ADGRL1: variants seen among roughly 807,000 people sequenced by gnomAD.
The protein encoded by ADGRL1 is CIRL-1.
In ADGRL1, 31 loss-of-function variants were observed where a neutral mutation model predicts 148.9. The ratio of observed to expected loss-of-function variants is 0.21; its 90% CI spans 0.16 to 0.28. The LOEUF (loss-of-function observed/expected upper bound fraction) is 0.28. ADGRL1 is among the 10% of genes least tolerant of loss of function. The pLI is 1.00. For missense variants in ADGRL1, 1,521 were observed against 2,058.8 expected, an observed-to-expected ratio of 0.74 and a Z score of 5.05; for synonymous variants, 937 against 900.3, an observed-to-expected ratio of 1.04 and a Z score of -0.73.
At chr19:14,156,775 C>A in intron 15 of ADGRL1, 51 bp from the exon 16 acceptor site, 1 of 1,568,252 alleles carries the variant, frequency 6.4e-7, no homozygotes, top group Non-Finnish European at 8.7e-7. Context: ...GAGCCATTCC[C>A]AGCGACTCAT....
rs889634389 is a variant in ADGRL1 at position 14,155,267 on chromosome 19, CCT to C, written c.3294+90_3294+91del. 1.4e-5 allele frequency: 21 copies of C among 1,457,968 alleles called. No individual in the cohort carries two copies. The highest frequency in any genetic ancestry group is 3.8e-5 in the South Asian group (3 of 78,534). The allele number at this position is 1,457,968 out of a possible 1,614,324, so 90.3% of individuals were successfully genotyped here. The stretch of plus-strand genomic sequence containing the variant: ...CACTCACTGGGGGCTTGAGGGAGCC[CCT>C]GAGTCCCCTCCACCCTCGCCGCCTT... On this transcript the variant is annotated intron_variant, in intron 18 of 22. Transcript: ENST00000361434. The surrounding 1 kb of genome is among the most constrained non-coding windows in gnomAD (Gnocchi z 5.0).
At chr19:14,193,112 C>T (rs1972045090) in intron 1 of ADGRL1, among the ~76,000 whole-genome samples, 2 of 151,948 alleles carry the variant, frequency 1.3e-5, no homozygotes, top group African/African-American at 4.8e-5. Flanking sequence ...AGGAGCACGA[C>T]GCCCTCTCCC....
In ADGRL1 at chr19:14,157,024, G is replaced by T; in HGVS notation, c.2867C>A (p.Ser956Tyr). 6.2e-7 allele frequency: 1 copy of T among 1,613,980 alleles called. No homozygotes were observed. Among genetic ancestry groups the T allele is most frequent in the Non-Finnish European group, 8.5e-7 (1 of 1,179,952 alleles). ...ACCCAGGTAGTAGTACTTGGTGCGG[G>T]AATACTCGCTCTCAAACACCTCCAC... ...LLVEVFESEYSRTKYYYLGGY... is the reference protein window; with the variant it reads ...LLVEVFESEYYRTKYYYLGGY... The change falls in exon 15 of 23, where the codon TCC (serine) becomes TAC (tyrosine). Residue 956 changes from serine (S) to tyrosine (Y), a missense_variant. Physicochemically the swap from Ser to Tyr is moderately radical, Grantham distance 144 (BLOSUM62 -2). This residue lies in a region of ADGRL1 where 185 missense variants were observed against 251.7 expected (regional missense o/e 0.74). Transcript: ENST00000361434. This position sits in a 1 kb window ranked among gnomAD's most constrained non-coding sequence, Gnocchi z 7.5.
At chr19:14,194,369 C>T (rs1972127239) in intron 1 of ADGRL1, among the ~76,000 whole-genome samples, 1 of 151,902 alleles carries the variant, frequency 6.6e-6, no homozygotes, top group Non-Finnish European at 1.5e-5. Context: ...AGCCACAGAA[C>T]TTTAAAGAAA....
At position 14,155,729 on chromosome 19, in the gene ADGRL1, G is replaced by A. The variant is rs1359561976; in HGVS notation, c.3126-202C>T. On this transcript the variant is annotated intron_variant, in intron 17 of 22. Coordinates refer to ENST00000361434, the MANE Select transcript of ADGRL1 (RefSeq NM_014921.5). The surrounding 1 kb of genome is among the most constrained non-coding windows in gnomAD (Gnocchi z 5.0). ...GCCTGGGCCTGAGGGAAAGGTACTGGGTCAGGGGTCGGGGTATTGTGAACA... is the reference window on the plus strand; with the variant it reads ...GCCTGGGCCTGAGGGAAAGGTACTGAGTCAGGGGTCGGGGTATTGTGAACA... 12 of 596,300 alleles carry A rather than the reference G, an allele frequency of 2.0e-5. No homozygotes were observed. The highest frequency in any genetic ancestry group is 3.7e-5 in the African/African-American group (2 of 53,758). The allele number at this position is 596,300 out of a possible 1,614,324, so 36.9% of individuals were successfully genotyped here. A position where few individuals can be genotyped will look rare whatever the true frequency, so the allele number is the denominator to read the frequency against.
At chr19:14,202,291 C>T (rs1972665788) in intron 1 of ADGRL1, among the ~76,000 whole-genome samples, 1 of 151,712 alleles carries the variant, frequency 6.6e-6, no homozygotes, top group Non-Finnish European at 1.5e-5. Context: ...CTCGCTCTGT[C>T]GCCCACGCTG....
intron 15 of ADGRL1, 53 bp downstream of exon 15, chr19:14,156,872 C>T (rs766767599): frequency 2.5e-5 from 40 of 1,584,242 alleles, no homozygotes; most frequent in East Asian, 4.5e-5. Context: ...CAAGGGGTGC[C>T]GCCCAGCAGG....
At position 14,155,886 on chromosome 19, in the gene ADGRL1, C is replaced by T. The variant is rs115497109; in HGVS notation, c.3125+224G>A. ...TTGAATTTAGCCTCAGCCTACATAC[C>T]GATGCCCCTAAAACCACAGGTTGGA... On this transcript the variant is annotated intron_variant, in intron 17 of 22. Coordinates refer to ENST00000361434, the MANE Select transcript of ADGRL1 (RefSeq NM_014921.5). This position sits in a 1 kb window ranked among gnomAD's most constrained non-coding sequence, Gnocchi z 5.0. 6.8e-4 allele frequency: 402 copies of T among 587,688 alleles called. 3 individuals are homozygous for T. Among genetic ancestry groups the T allele is most frequent in the African/African-American group, 6.8e-3 (364 of 53,810 alleles). The allele number at this position is 587,688 out of a possible 1,614,324, so 36.4% of individuals were successfully genotyped here. A position where few individuals can be genotyped will look rare whatever the true frequency, so the allele number is the denominator to read the frequency against.
At chr19:14,168,225 G>A (rs1970167252) in intron 4 of ADGRL1, among the ~76,000 whole-genome samples, 1 of 152,048 alleles carries the variant, frequency 6.6e-6, no homozygotes, top group East Asian at 1.9e-4. Flanking sequence ...AGCTCCGCAG[G>A]GGCAGCCTCT....
rs375904937 is a variant in ADGRL1 at position 14,196,495 on chromosome 19, C to T, written c.-96+9490G>A. 4.6e-5 allele frequency among the ~76,000 whole-genome samples: 7 copies of T among 152,318 alleles called. No individual in the cohort carries two copies. In the East Asian group the frequency reaches 7.7e-4, roughly 17 times the overall value. ...GTTAGCCAGGCATAGTGGCACACGC[C>T]TGTGATCCCAGCTCCTCGGGAGGCT... On this transcript the variant is annotated intron_variant, in intron 1 of 22. Transcript: ENST00000361434.
rs1971667587 is a variant in ADGRL1 at position 14,187,653 on chromosome 19, C to T, written c.-95-3956G>A. ...CCAGTGTCACTTTCAGATGATTTTA[C>T]AGCGTGTTACCCCGCCGCCGCCACC... On this transcript the variant is annotated intron_variant, in intron 1 of 22. Coordinates refer to ENST00000361434, the MANE Select transcript of ADGRL1 (RefSeq NM_014921.5). 3.3e-5 allele frequency among the ~76,000 whole-genome samples: 5 copies of T among 149,972 alleles called. 1 individual carries two copies. The South Asian group carries it at 6.4e-4, about 19-fold the overall frequency.
At chr19:14,203,803 G>A (rs1319820321) in intron 1 of ADGRL1, among the ~76,000 whole-genome samples, 1 of 140,852 alleles carries the variant, frequency 7.1e-6, no homozygotes, top group Non-Finnish European at 1.5e-5. Context: ...AGGAATCAGC[G>A]TGGGTGATCA....
chr19:14,193,329 A>G (rs963943154), intron 1 of ADGRL1, among the ~76,000 whole-genome samples: 3 of 147,374 alleles, frequency 2.0e-5, no homozygotes, highest in Admixed American at 1.4e-4. Flanking sequence ...GCTCACACCT[A>G]CAACCCCAGT....
intron 1 of ADGRL1, among the ~76,000 whole-genome samples, chr19:14,190,708 G>A (rs1193144777): frequency 1.3e-5 from 2 of 152,204 alleles, no homozygotes; most frequent in Admixed American, 1.3e-4. Context: ...GATAAGTGAG[G>A]TCATGCACTA....
In ADGRL1 at chr19:14,155,820, T is replaced by G. The variant is rs1443371871; in HGVS notation, c.3125+290A>C. 1.7e-6 allele frequency: 1 copy of G among 577,832 alleles called. No homozygotes were observed. Among genetic ancestry groups the G allele is most frequent in the Non-Finnish European group, 3.1e-6 (1 of 323,948 alleles). 35.8% of individuals were successfully genotyped at this position (577,832 alleles called of 1,614,324 possible). On this transcript the variant is annotated intron_variant, in intron 17 of 22. Coordinates refer to ENST00000361434, the MANE Select transcript of ADGRL1 (RefSeq NM_014921.5). This position sits in a 1 kb window ranked among gnomAD's most constrained non-coding sequence, Gnocchi z 5.0. ...TCCAGACCACTTAGGCTATATTTGC[T>G]GCCTATTTCTCTTTAAGTTGCCCTT...
At chr19:14,179,682 G>A (rs1051714901) in intron 2 of ADGRL1, among the ~76,000 whole-genome samples, 2 of 151,900 alleles carry the variant, frequency 1.3e-5, no homozygotes, top group African/African-American at 4.8e-5. Flanking sequence ...CGAGGTGGGC[G>A]AATCACCTGA....
chr19:14,156,305 G>A (rs1183359118), intron 16 of ADGRL1, 104 bp from the exon 17 acceptor site: 16 of 912,368 alleles, frequency 1.8e-5, no homozygotes, highest in Admixed American at 4.1e-5. Context: ...TGTGGCCCTC[G>A]CCTCTGCTGG....
chr19:14,183,219 G>GAGAGAGAGAGAGAGAC (rs1555790262), intron 2 of ADGRL1, among the ~76,000 whole-genome samples: 1 of 150,882 alleles, frequency 6.6e-6, no homozygotes, highest in African/African-American at 2.4e-5. Flanking sequence ...GAGAGAGAGC[G>GAGAGAGAGAGAGAGAC]AGAGAGAGAC....
At chr19:14,153,870 G>A (rs896909968) in intron 18 of ADGRL1, among the ~76,000 whole-genome samples, 6 of 151,848 alleles carry the variant, frequency 4.0e-5, no homozygotes, top group African/African-American at 1.4e-4. Context: ...GAAGCTGGGG[G>A]GGTGGAGGTT....
Sources: allele counts gnomAD v4.1 joint callset (sites outside exome capture counted in the v4.1 genomes callset), GRCh38; gene constraint gnomAD v4.1.1; regional missense constraint gnomAD v4.1.1; non-coding constraint Gnocchi (gnomAD v3.1); transcripts MANE v1.5; gene names NCBI Gene and HGNC (gene_info 2026-07-23, HGNC 2026-07-21).